The following TMEM132B variants were observed in gnomAD, a reference collection of about 807,000 sequenced individuals.
TMEM132B encodes the protein transmembrane protein 132B.
TMEM132B carries 18 observed loss-of-function variants against 90.8 expected under a neutral mutation model. That is an observed-to-expected ratio of 0.20 (90% CI 0.14 to 0.29). The LOEUF (loss-of-function observed/expected upper bound fraction) is 0.29. TMEM132B is among the 10% of genes least tolerant of loss of function. The pLI is 1.00. For missense variants in TMEM132B, 1,096 were observed against 1,326.8 expected (o/e 0.83, Z 2.70); for synonymous variants, 504 against 523.3 (o/e 0.96, Z 0.50).
chr12:125,373,574 A>G (rs1878370513), intron 2 of TMEM132B, among the ~76,000 whole-genome samples: 1 of 152,106 alleles, frequency 6.6e-6, no homozygotes, highest in Non-Finnish European at 1.5e-5. Flanking sequence ...AGGCGCCCCC[A>G]GTCTACGGTA....
intron 3 of TMEM132B, among the ~76,000 whole-genome samples, chr12:125,452,763 T>TTTGTA (rs1362817817): frequency 6.6e-6 from 1 of 152,206 alleles, no homozygotes; most frequent in Non-Finnish European, 1.5e-5. Context: ...TTATTGGCCA[T>TTTGTA]TTGTATTTCC....
intron 2 of TMEM132B, among the ~76,000 whole-genome samples, chr12:125,387,151 G>A (rs1390075782): frequency 1.3e-5 from 2 of 150,754 alleles, no homozygotes; most frequent in East Asian, 3.9e-4. Flanking sequence ...TTTTCTGGGG[G>A]TGGGGCGGGG....
chr12:125,350,408 G>A (rs1379046690), intron 2 of TMEM132B, 65 bp downstream of exon 2: 2 of 1,503,120 alleles, frequency 1.3e-6, no homozygotes, highest in East Asian at 2.3e-5. Flanking sequence ...AATTGTCAAT[G>A]AATAAAATGG....
At chr12:125,625,196 G>C (rs1045365668) in intron 5 of TMEM132B, among the ~76,000 whole-genome samples, 2 of 135,992 alleles carry the variant, frequency 1.5e-5, no homozygotes, top group South Asian at 2.4e-4. Context: ...CCAGTGGCTC[G>C]ATCTCAGCTC....
chr12:125,222,653 C>G (rs534048354), intron 1 of TMEM132B, among the ~76,000 whole-genome samples: 11 of 152,224 alleles, frequency 7.2e-5, no homozygotes, highest in Non-Finnish European at 1.2e-4. Context: ...TCCCTCTAGA[C>G]CAAGGGTTCT....
chr12:125,527,151 CATCCACCCATCCACCCA>C (rs1883493849), intron 4 of TMEM132B, among the ~76,000 whole-genome samples: 1 of 141,072 alleles, frequency 7.1e-6, no homozygotes, highest in Non-Finnish European at 1.5e-5. Context: ...TCTATCCACC[CATCCACCCATCCACCCA>C]TCCACCCTTC....
At chr12:125,618,161 G>T (rs890429882) in intron 5 of TMEM132B, among the ~76,000 whole-genome samples, 7 of 152,128 alleles carry the variant, frequency 4.6e-5, no homozygotes, top group South Asian at 2.1e-4. Context: ...TAAAAGCAGG[G>T]TGCTGGGTGG....
chr12:125,609,318 AT>A (rs1885770001), intron 5 of TMEM132B, among the ~76,000 whole-genome samples: 1 of 152,102 alleles, frequency 6.6e-6, no homozygotes. Flanking sequence ...CACTCTCTTG[AT>A]TTAGAAAGTT....
At chr12:125,541,931 A>C (rs1470569781) in intron 4 of TMEM132B, among the ~76,000 whole-genome samples, 1 of 147,756 alleles carries the variant, frequency 6.8e-6, no homozygotes, top group African/African-American at 2.5e-5. Flanking sequence ...AGGCTGAGGC[A>C]GGAGAATGGC....
chr12:125,239,602 T>C (rs989700511), intron 1 of TMEM132B, among the ~76,000 whole-genome samples: 1 of 152,222 alleles, frequency 6.6e-6, no homozygotes, highest in Non-Finnish European at 1.5e-5. Flanking sequence ...TCCTTGCCTT[T>C]CCATAGGACC....
At chr12:125,586,528 A>G (rs892136695) in intron 5 of TMEM132B, 2 of 152,256 alleles carry the variant, frequency 1.3e-5, no homozygotes, top group Admixed American at 6.5e-5. Flanking sequence ...ATTTTCAGAA[A>G]GAAGCAATTC....
At chr12:125,522,674 A>G (rs770869087) in intron 4 of TMEM132B, among the ~76,000 whole-genome samples, 2 of 152,198 alleles carry the variant, frequency 1.3e-5, no homozygotes, top group African/African-American at 2.4e-5. Flanking sequence ...GAAAGCTGCC[A>G]GCTGTGAGGT....
chr12:125,636,566 C>T (rs559224574), intron 5 of TMEM132B, among the ~76,000 whole-genome samples: 6 of 152,294 alleles, frequency 3.9e-5, no homozygotes, highest in African/African-American at 1.4e-4. Context: ...GGTGCTCCTA[C>T]CCCTCTTCAA....
chr12:125,465,622 C>T (rs943356442), intron 3 of TMEM132B, among the ~76,000 whole-genome samples: 1 of 152,196 alleles, frequency 6.6e-6, no homozygotes, highest in Non-Finnish European at 1.5e-5. Flanking sequence ...AGGGTGTGCC[C>T]CCTGGACGGA....
At chr12:125,465,744 G>A (rs1381930326) in intron 3 of TMEM132B, among the ~76,000 whole-genome samples, 1 of 152,202 alleles carries the variant, frequency 6.6e-6, no homozygotes, top group Non-Finnish European at 1.5e-5. Flanking sequence ...TCTTGTGGAA[G>A]GATATCTGGG....
Position 125,458,120 on chromosome 12 carries a change from G to T in TMEM132B, c.1106+42443G>T, listed in dbSNP as rs145042840. Among the ~76,000 whole-genome samples the T allele has an allele frequency of 1.5e-3, 222 of 152,158 alleles. 1 individual carries two copies. Among genetic ancestry groups the T allele is most frequent in the African/African-American group, 5.1e-3 (213 of 41,498 alleles). On this transcript the variant is annotated intron_variant, in intron 3 of 8. Transcript: ENST00000682704. The surrounding 1 kb of genome is among the most constrained non-coding windows in gnomAD (Gnocchi z 4.9). ...AGGAGAAGGCAGATTCCAGAGACAG[G>T]TCTGGCTAGAACCAGCAGGACTCAG...
intron 1 of TMEM132B, among the ~76,000 whole-genome samples, chr12:125,290,142 G>A (rs1220898075): frequency 2.0e-5 from 3 of 152,268 alleles, no homozygotes; most frequent in Admixed American, 1.3e-4. Context: ...AAAGCCGTCC[G>A]TGAATCTTGG....
chr12:125,427,013 G>A (rs549224074), intron 3 of TMEM132B, among the ~76,000 whole-genome samples: 9 of 152,316 alleles, frequency 5.9e-5, no homozygotes, highest in African/African-American at 2.2e-4. Flanking sequence ...GTTTAAAAGT[G>A]TTTAGAAATA....
intron 4 of TMEM132B, among the ~76,000 whole-genome samples, chr12:125,539,865 G>T (rs1252944900): frequency 6.6e-6 from 1 of 152,020 alleles, no homozygotes; most frequent in Non-Finnish European, 1.5e-5. Flanking sequence ...TGTCATATTT[G>T]TGATTTCTTT....
Sources: allele counts gnomAD v4.1 joint callset (sites outside exome capture counted in the v4.1 genomes callset), GRCh38; gene constraint gnomAD v4.1.1; non-coding constraint Gnocchi (gnomAD v3.1); transcripts MANE v1.5; gene names NCBI Gene and HGNC (gene_info 2026-07-23, HGNC 2026-07-21).